MTBP: variants seen among roughly 807,000 people sequenced by gnomAD.
The protein encoded by MTBP is mdm2-binding protein.
Under a neutral mutation model 117.0 loss-of-function variants are expected in MTBP, and 101 were observed. That is an observed-to-expected ratio of 0.86 (90% CI 0.73 to 1.02). MTBP has a LOEUF of 1.02. MTBP is among the 50% of genes least tolerant of loss of function. The pLI, the probability that MTBP is intolerant of heterozygous loss-of-function variation, is 0.00. For synonymous variants in MTBP, 350 were observed against 351.5 expected (o/e 1.00, Z 0.05); for missense variants, 970 against 1,030.9 (o/e 0.94, Z 0.81).
chr8:120,520,115 A>C (rs1814988995), intron 20 of MTBP, among the ~76,000 whole-genome samples: 1 of 152,164 alleles, frequency 6.6e-6, no homozygotes, highest in South Asian at 2.1e-4. Flanking sequence ...GCAGGCTTTG[A>C]GGAAAGCTTC....
chr8:120,521,238 T>G (rs1379351217), intron 20 of MTBP, among the ~76,000 whole-genome samples: 1 of 152,102 alleles, frequency 6.6e-6, no homozygotes, highest in Non-Finnish European at 1.5e-5. Context: ...AAACCCAGAA[T>G]TATATACATG....
chr8:120,465,340 C>G (rs1813664605), intron 10 of MTBP, among the ~76,000 whole-genome samples: 1 of 152,146 alleles, frequency 6.6e-6, no homozygotes, highest in Admixed American at 6.5e-5. Flanking sequence ...TAAGCCATAG[C>G]TATGCCACTC....
chr8:120,458,667 C>G (rs1373500507), intron 7 of MTBP, among the ~76,000 whole-genome samples: 3 of 151,770 alleles, frequency 2.0e-5, no homozygotes, highest in African/African-American at 7.3e-5. Context: ...TGGTAAAACC[C>G]CATCTCTACT....
At chr8:120,490,086 G>A (rs1176102884) in intron 12 of MTBP, among the ~76,000 whole-genome samples, 1 of 152,102 alleles carries the variant, frequency 6.6e-6, no homozygotes, top group African/African-American at 2.4e-5. Context: ...GGAGGGGACT[G>A]CACAAAAAGG....
At chr8:120,488,364 T>A (rs1318070813) in intron 12 of MTBP, 32 bp downstream of exon 12, 1 of 1,461,054 alleles carries the variant, frequency 6.8e-7, no homozygotes, top group East Asian at 2.6e-5. Context: ...AAAAACATGT[T>A]TACATTGTTT....
At chr8:120,520,779 C>T (rs1230742086) in intron 20 of MTBP, among the ~76,000 whole-genome samples, 1 of 129,540 alleles carries the variant, frequency 7.7e-6, no homozygotes, top group Non-Finnish European at 1.8e-5. Context: ...ATGTGCATTT[C>T]TAGAATTAAA....
chr8:120,517,956 C>T lies in MTBP; in HGVS notation c.2352C>T (p.Ser784=), dbSNP rs1371175931. 1.9e-6 allele frequency: 3 copies of T among 1,612,536 alleles called. No homozygotes were observed. Among genetic ancestry groups the T allele is most frequent in the South Asian group, 2.2e-5 (2 of 91,044 alleles). Residue 784 remains serine, a synonymous_variant, in exon 19 of 22, where the codon TCC becomes TCT. Transcript: ENST00000305949. ...VTSRKPQTER[S]LPVTCPLVPI... ...CCAGAAAGCCACAAACAGAACGGTC[C>T]TTACCAGTGACTTGTCCATTGGTTC...
chr8:120,493,390 C>T, intron 13 of MTBP, among the ~76,000 whole-genome samples: 1 of 152,132 alleles, frequency 6.6e-6, no homozygotes, highest in Non-Finnish European at 1.5e-5. Flanking sequence ...TTCTTACTCT[C>T]TTCTTCAAAT....
chr8:120,445,422 T>C lies in MTBP; in HGVS notation c.-49T>C. The C allele has an allele frequency of 6.6e-7, 1 of 1,505,790 alleles. No individual in the cohort carries two copies. Among genetic ancestry groups the C allele is most frequent in the East Asian group, 2.3e-5 (1 of 44,334 alleles). The allele number at this position is 1,505,790 out of a possible 1,614,324, so 93.3% of individuals were successfully genotyped here. ...GGAAATGCGTCATAGCGCGCGTCTG[T>C]TTGGATGTGGAAGCCGAGACCTAAA... On this transcript the variant is annotated 5_prime_UTR_variant, in exon 1 of 22. Coordinates refer to ENST00000305949, the MANE Select transcript of MTBP (RefSeq NM_022045.5).
At chr8:120,462,298 G>A (rs1813597384) in intron 9 of MTBP, among the ~76,000 whole-genome samples, 1 of 152,196 alleles carries the variant, frequency 6.6e-6, no homozygotes, top group Non-Finnish European at 1.5e-5. Context: ...GGAGAGCCAG[G>A]AAAAGTACAC....
chr8:120,489,430 C>T (rs1006037404), intron 12 of MTBP, among the ~76,000 whole-genome samples: 1 of 152,112 alleles, frequency 6.6e-6, no homozygotes, highest in Non-Finnish European at 1.5e-5. Flanking sequence ...TTCAGTGTCA[C>T]GTTTACGTTA....
chr8:120,471,117 T>A (rs1813807792), intron 11 of MTBP, 180 bp downstream of exon 11: 2 of 504,016 alleles, frequency 4.0e-6, no homozygotes, highest in Admixed American at 7.3e-5. Context: ...ATAAAGTATC[T>A]CTAACCATAT....
chr8:120,481,737 G>T (rs1237372607), intron 11 of MTBP, among the ~76,000 whole-genome samples: 1 of 152,102 alleles, frequency 6.6e-6, no homozygotes, highest in Non-Finnish European at 1.5e-5. Context: ...CCCAAAATTT[G>T]TTAAAGTTAG....
Position 120,488,252 on chromosome 8 carries a change from C to T in MTBP, c.1259C>T (p.Ser420Leu). The change falls in exon 12 of 22, where the codon TCA becomes TTA. Residue 420 changes from serine to leucine, a missense_variant. By Grantham distance (145) the Ser-to-Leu change is moderately radical. Transcript: ENST00000305949. ...NRRCKATLIH[S>L]ANQINGSFAL... ...AGATGTAAAGCCACATTGATTCACT[C>T]AGCCAACCAGATCAATGGCTCATTT... 6.3e-7 allele frequency: 1 copy of T among 1,591,406 alleles called. No homozygotes were observed. The highest frequency in any genetic ancestry group is 8.5e-7 in the Non-Finnish European group (1 of 1,171,818).
intron 12 of MTBP, among the ~76,000 whole-genome samples, chr8:120,489,329 G>A (rs147140547): frequency 0.012 from 1,898 of 152,202 alleles, 21 homozygotes; most frequent in Admixed American, 0.03. Context: ...GATCCACTGC[G>A]CCCGGCCTAG....
chr8:120,488,537 A>G (rs948293830), intron 12 of MTBP, among the ~76,000 whole-genome samples: 11 of 152,224 alleles, frequency 7.2e-5, no homozygotes, highest in Admixed American at 6.5e-5. Flanking sequence ...TTGCTTTTAC[A>G]TTATACCTAG....
At chr8:120,448,344 C>A (rs1442879234) in intron 2 of MTBP, among the ~76,000 whole-genome samples, 3 of 152,208 alleles carry the variant, frequency 2.0e-5, no homozygotes, top group African/African-American at 7.2e-5. Context: ...TTTGTCACAG[C>A]AGCTATTTTT....
intron 10 of MTBP, among the ~76,000 whole-genome samples, chr8:120,465,222 G>A (rs10103515): frequency 0.54 from 81,541 of 151,918 alleles, 24,844 homozygotes; most frequent in Non-Finnish European, 0.67. Context: ...TGAGAAAATT[G>A]TTATTTATCA....
At chr8:120,503,952 G>A (rs2130604310) in intron 15 of MTBP, among the ~76,000 whole-genome samples, 1 of 152,248 alleles carries the variant, frequency 6.6e-6, no homozygotes, top group South Asian at 2.1e-4. Flanking sequence ...TTAGGGTGAG[G>A]ACAGCTTTGG....
Sources: gnomAD v4.1 joint callset for allele counts (sites outside exome capture counted in the v4.1 genomes callset) on GRCh38, gnomAD v4.1.1 for gene constraint, MANE v1.5 for transcripts, NCBI Gene and HGNC (gene_info 2026-07-23, HGNC 2026-07-21) for gene names.